H4C15: variants seen among roughly 807,000 people sequenced by gnomAD.
H4C15 encodes the protein histone H4.
At chr1:149,847,548 T>G in the H4C15 span, 1 of 152,234 alleles carries the variant, frequency 6.6e-6, no homozygotes, top group Non-Finnish European at 1.5e-5. Context: ...GTGGCTCACA[T>G]CTGTAATCCC....
chr1:149,849,377 C>T (rs1553757421), downstream of H4C15, among the ~76,000 whole-genome samples: 1 of 152,150 alleles, frequency 6.6e-6, no homozygotes, highest in Non-Finnish European at 1.5e-5. Context: ...ATCACTGTTC[C>T]AGCCCACAAC....
chr1:149,847,597 TC>T, the H4C15 span: 1 of 152,124 alleles, frequency 6.6e-6, no homozygotes, highest in African/African-American at 2.4e-5. Flanking sequence ...TCACCTGAGG[TC>T]AGTTCGAGGC....
At chr1:149,845,244 C>G in the H4C15 span, 3 of 152,038 alleles carry the variant, frequency 2.0e-5, no homozygotes, top group South Asian at 6.2e-4. Context: ...TCACTTCCCA[C>G]GATAAGGGAG....
chr1:149,850,261 C>A (rs998959261), downstream of H4C15: 28 of 1,226,918 alleles, frequency 2.3e-5, no homozygotes, highest in East Asian at 3.8e-4. Flanking sequence ...TCAACTGGGA[C>A]TGACAACACA....
At chr1:149,846,016 G>A in the H4C15 span, 1 of 148,284 alleles carries the variant, frequency 6.7e-6, no homozygotes, top group Non-Finnish European at 1.5e-5. Context: ...ATGAGAATCT[G>A]GAGTTTAGGA....
downstream of H4C15, chr1:149,850,754 A>G (rs1553757724): frequency 2.2e-5 from 5 of 231,410 alleles, no homozygotes; most frequent in Non-Finnish European, 3.8e-5. Context: ...AGCCGGCGCG[A>G]ACTTTGCAGG....
the H4C15 span, chr1:149,848,927 G>A: frequency 6.6e-6 from 1 of 152,140 alleles, no homozygotes; most frequent in African/African-American, 2.4e-5. Flanking sequence ...AGACAGGCTT[G>A]TGTTGTCTTT....
chr1:149,855,470 A>G (rs2101556492), downstream of H4C15, among the ~76,000 whole-genome samples: 1 of 129,636 alleles, frequency 7.7e-6, no homozygotes, highest in South Asian at 2.5e-4. Flanking sequence ...GTTTACACTG[A>G]TTTTTCTTCC....
chr1:149,850,973 T>G, downstream of H4C15: 24 of 14,718 alleles, frequency 1.6e-3, no homozygotes, highest in Non-Finnish European at 3.1e-3. Context: ...CTATTGGCTA[T>G]CGGGACAAAA....
chr1:149,850,138 ACTAT>A (rs1559767335), downstream of H4C15: 1 of 554,922 alleles, frequency 1.8e-6, no homozygotes, highest in African/African-American at 1.9e-5. Flanking sequence ...GTAAGATACC[ACTAT>A]CAATCTATGT....
chr1:149,858,921 C>T (rs1302144115), downstream of H4C15, among the ~76,000 whole-genome samples: 1 of 27,096 alleles, frequency 3.7e-5, no homozygotes, highest in Non-Finnish European at 7.7e-5. Context: ...TCCCCCACTC[C>T]CTTTCTGCTT....
chr1:149,845,529 T>A, the H4C15 span: 1 of 152,240 alleles, frequency 6.6e-6, no homozygotes, highest in South Asian at 2.1e-4. Context: ...GAACAGAACA[T>A]GGTAAGTACA....
At chr1:149,845,738 ATG>A in the H4C15 span, 1 of 152,244 alleles carries the variant, frequency 6.6e-6, no homozygotes, top group Non-Finnish European at 1.5e-5. Flanking sequence ...CTCTTGGAGA[ATG>A]TGACTGGAGA....
At chr1:149,849,494 G>A (rs2092161212), downstream of H4C15, among the ~76,000 whole-genome samples, 1 of 152,168 alleles carries the variant, frequency 6.6e-6, no homozygotes, top group Admixed American at 6.5e-5. Flanking sequence ...GAGGCTGTGT[G>A]ATTCCAAGTC....
At chr1:149,850,263 G>C (rs2101552780), downstream of H4C15, 1 of 1,249,454 alleles carries the variant, frequency 8.0e-7, no homozygotes. Context: ...AACTGGGACT[G>C]ACAACACAAG....
At chr1:149,850,363 G>A (rs1553757620), downstream of H4C15, 1 of 698,968 alleles carries the variant, frequency 1.4e-6, no homozygotes, top group Non-Finnish European at 2.6e-6. Context: ...GGGAGGGAGG[G>A]AGCGAGCGAG....
At chr1:149,848,727 CAT>C in the H4C15 span, 1 of 152,218 alleles carries the variant, frequency 6.6e-6, no homozygotes, top group African/African-American at 2.4e-5. Context: ...CTGGGAAACA[CAT>C]GTGGCAGCAC....
downstream of H4C15, among the ~76,000 whole-genome samples, chr1:149,849,536 C>T (rs1446269390): frequency 6.6e-5 from 10 of 152,196 alleles, no homozygotes; most frequent in African/African-American, 2.4e-4. Context: ...CAAACCTAAT[C>T]AACCTCCCTT....
the H4C15 span, chr1:149,846,166 C>T: frequency 1.3e-5 from 2 of 152,114 alleles, no homozygotes; most frequent in East Asian, 1.9e-4. Flanking sequence ...CACTCCCCCC[C>T]GCCAGGACTG....
Sources: allele counts gnomAD v4.1 joint callset (sites outside exome capture counted in the v4.1 genomes callset), GRCh38; gene constraint gnomAD v4.1.1; transcripts MANE v1.5; gene names NCBI Gene and HGNC (gene_info 2026-07-23, HGNC 2026-07-21).